The following RERE variants were observed in gnomAD, a reference collection of about 807,000 sequenced individuals.
RERE encodes arginine-glutamic acid dipeptide repeats, also known as arginine-glutamic acid dipeptide repeats protein.
Under a neutral mutation model 146.1 loss-of-function variants are expected in RERE, and 40 were observed. That is an observed-to-expected ratio of 0.27 (90% CI 0.21 to 0.36). The LOEUF (loss-of-function observed/expected upper bound fraction) is 0.36. RERE is among the 10% of genes least tolerant of loss of function. The pLI, the probability that RERE is intolerant of heterozygous loss-of-function variation, is 1.00. For missense variants in RERE, 1,933 were observed against 2,138.7 expected (o/e 0.90, Z 1.90); for synonymous variants, 1,003 against 866.0 (o/e 1.16, Z -2.78).
chr1:8,449,884 G>C (rs919850809), intron 11 of RERE, among the ~76,000 whole-genome samples: 34 of 152,206 alleles, frequency 2.2e-4, no homozygotes, highest in Non-Finnish European at 3.7e-4. Flanking sequence ...ACTCAAGAGA[G>C]AATAGTAACA....
intron 15 of RERE, chr1:8,363,821 C>T (rs1251533098): frequency 1.7e-5 from 10 of 573,838 alleles, no homozygotes; most frequent in Non-Finnish European, 3.1e-6. Context: ...GAGCCAGAAG[C>T]TAAGAGCTTG....
intron 7 of RERE, among the ~76,000 whole-genome samples, chr1:8,510,874 G>C (rs950589565): frequency 6.6e-6 from 1 of 152,124 alleles, no homozygotes; most frequent in Admixed American, 6.5e-5. Flanking sequence ...CCATATCATG[G>C]CTACACTGTT....
intron 12 of RERE, among the ~76,000 whole-genome samples, chr1:8,420,381 T>C (rs1643892469): frequency 6.6e-6 from 1 of 152,174 alleles, no homozygotes; most frequent in Non-Finnish European, 1.5e-5. Context: ...CTATAAGAAT[T>C]CTACCCAGCA....
At chr1:8,378,641 C>G (rs146343214) in intron 12 of RERE, among the ~76,000 whole-genome samples, 1 of 152,336 alleles carries the variant, frequency 6.6e-6, no homozygotes, top group Non-Finnish European at 1.5e-5. Flanking sequence ...TGAGAGGCCT[C>G]AGGAGAACCA....
At chr1:8,726,233 C>A (rs572701463) in intron 1 of RERE, among the ~76,000 whole-genome samples, 2 of 140,480 alleles carry the variant, frequency 1.4e-5, no homozygotes, top group South Asian at 4.5e-4. Context: ...CGGCTCACTG[C>A]AAGCTCCACC....
At chr1:8,682,436 G>C (rs1638992114) in intron 1 of RERE, among the ~76,000 whole-genome samples, 1 of 152,048 alleles carries the variant, frequency 6.6e-6, no homozygotes, top group Admixed American at 6.5e-5. Flanking sequence ...TTGTTTTATT[G>C]TTTAAATGGA....
chr1:8,563,343 C>CAGAG (rs147990773), intron 4 of RERE, among the ~76,000 whole-genome samples: 1 of 150,170 alleles, frequency 6.7e-6, no homozygotes, highest in Non-Finnish European at 1.5e-5. Flanking sequence ...AGGACTAGGG[C>CAGAG]AGAGAGAGAG....
At chr1:8,363,934 C>A in intron 15 of RERE, 122 bp downstream of exon 15, 2 of 876,700 alleles carry the variant, frequency 2.3e-6, no homozygotes, top group East Asian at 2.6e-5. Flanking sequence ...CAAAGCAGCT[C>A]CCCTCCAGGA....
intron 12 of RERE, among the ~76,000 whole-genome samples, chr1:8,391,282 C>T (rs904981625): frequency 1.3e-5 from 2 of 152,158 alleles, no homozygotes; most frequent in African/African-American, 4.8e-5. Flanking sequence ...GTAAGTTACA[C>T]AGCCTCCTAT....
intron 6 of RERE, among the ~76,000 whole-genome samples, chr1:8,554,177 C>G (rs1370776864): frequency 6.6e-6 from 1 of 152,108 alleles, no homozygotes; most frequent in Non-Finnish European, 1.5e-5. Context: ...CAGAGCAACA[C>G]CCCGTCTCAG....
At chr1:8,732,082 C>T (rs949718597) in intron 1 of RERE, among the ~76,000 whole-genome samples, 2 of 152,206 alleles carry the variant, frequency 1.3e-5, no homozygotes, top group Admixed American at 1.3e-4. Flanking sequence ...GGATTATAGG[C>T]ATGAGCCACC....
chr1:8,480,668 T>G (rs1297937542), intron 10 of RERE, among the ~76,000 whole-genome samples: 1 of 151,838 alleles, frequency 6.6e-6, no homozygotes, highest in African/African-American at 2.4e-5. Flanking sequence ...ACTCCTGACC[T>G]AAGGTGATCC....
chr1:8,612,491 C>T (rs1646804420), intron 4 of RERE, among the ~76,000 whole-genome samples: 1 of 152,176 alleles, frequency 6.6e-6, no homozygotes, highest in South Asian at 2.1e-4. Context: ...ATAATGTACC[C>T]AAGTGCTCCA....
chr1:8,757,911 TACAC>T (rs35913290), intron 1 of RERE, among the ~76,000 whole-genome samples: 1 of 30,130 alleles, frequency 3.3e-5, no homozygotes, highest in Non-Finnish European at 8.1e-5. Flanking sequence ...CACACATACA[TACAC>T]ACACACACAC....
chr1:8,531,099 A>G (rs1304084265), intron 7 of RERE, among the ~76,000 whole-genome samples: 4 of 150,598 alleles, frequency 2.7e-5, no homozygotes, highest in South Asian at 2.1e-4. Flanking sequence ...CCATCTTTCT[A>G]TCTATCTGTC....
chr1:8,399,569 C>A (rs909969056), intron 12 of RERE, among the ~76,000 whole-genome samples: 2 of 152,184 alleles, frequency 1.3e-5, no homozygotes, highest in Non-Finnish European at 2.9e-5. Context: ...TAAAGCCTAT[C>A]TTCCTTGTTT....
intron 1 of RERE, among the ~76,000 whole-genome samples, chr1:8,784,218 G>C (rs1343648905): frequency 1.3e-5 from 2 of 152,132 alleles, no homozygotes; most frequent in South Asian, 2.1e-4. Flanking sequence ...AACTTCACAT[G>C]GCAAACTCCC....
intron 1 of RERE, among the ~76,000 whole-genome samples, chr1:8,700,626 C>A (rs1379344283): frequency 2.6e-5 from 4 of 152,156 alleles, no homozygotes; most frequent in Non-Finnish European, 5.9e-5. Flanking sequence ...TCCTTTTGTA[C>A]AATGTAACGA....
rs1021813170 is a variant in RERE at position 8,556,680 on chromosome 1, T to C, written c.629-109A>G. On this transcript the variant is annotated intron_variant, in intron 5 of 22. Coordinates refer to ENST00000400908, the MANE Select transcript of RERE (RefSeq NM_001042681.2). ...TTACCACCCACTAAATAACCGGGCC[T>C]GGTTAGCATCGTTAAGTATGCAAAA... 6 of 686,802 alleles carry C rather than the reference T, an allele frequency of 8.7e-6. No homozygotes were observed. The African/African-American group carries it at 1.1e-4, about 12-fold the overall frequency. 42.5% of individuals were successfully genotyped at this position (686,802 alleles called of 1,614,324 possible).
Sources: allele counts gnomAD v4.1 joint callset (sites outside exome capture counted in the v4.1 genomes callset), GRCh38; gene constraint gnomAD v4.1.1; transcripts MANE v1.5; gene names NCBI Gene and HGNC (gene_info 2026-07-23, HGNC 2026-07-21).